DPYD: variants seen among roughly 807,000 people sequenced by gnomAD.
The protein encoded by DPYD is dihydropyrimidine dehydrogenase [NADP(+)].
In DPYD, 109 loss-of-function variants were observed where a neutral mutation model predicts 116.2. That is an observed-to-expected ratio of 0.94 (90% CI 0.80 to 1.10). DPYD has a LOEUF of 1.10. DPYD is among the 50% of genes least tolerant of loss of function. The pLI is 0.00. For synonymous variants in DPYD, 440 were observed against 432.0 expected, an observed-to-expected ratio of 1.02 and a Z score of -0.23; for missense variants, 1,302 against 1,254.5, an observed-to-expected ratio of 1.04 and a Z score of -0.57.
chr1:97,782,364 C>A (rs866183892), intron 3 of DPYD, among the ~76,000 whole-genome samples: 2 of 152,206 alleles, frequency 1.3e-5, no homozygotes, highest in Non-Finnish European at 2.9e-5. Context: ...TGGCCCCAGA[C>A]AGCTGTCTTT....
At chr1:97,815,057 GAGAA>G (rs1388918913) in intron 3 of DPYD, among the ~76,000 whole-genome samples, 21 of 148,742 alleles carry the variant, frequency 1.4e-4, no homozygotes, top group African/African-American at 2.0e-4. Flanking sequence ...GAGAAAGAGG[GAGAA>G]AGAAAGAAAG....
At chr1:97,872,759 C>T (rs185338422) in intron 2 of DPYD, among the ~76,000 whole-genome samples, 77 of 151,888 alleles carry the variant, frequency 5.1e-4, no homozygotes, top group African/African-American at 1.8e-3. Context: ...TAGAACTTTT[C>T]GAGAAAAAAA....
At chr1:97,541,277 T>C (rs1334919316) in intron 12 of DPYD, among the ~76,000 whole-genome samples, 1 of 152,184 alleles carries the variant, frequency 6.6e-6, no homozygotes, top group Non-Finnish European at 1.5e-5. Flanking sequence ...GTTATATGGA[T>C]GCAAAAAGAA....
At chr1:97,370,463 T>A (rs1671260523) in intron 16 of DPYD, among the ~76,000 whole-genome samples, 1 of 152,094 alleles carries the variant, frequency 6.6e-6, no homozygotes, top group South Asian at 2.1e-4. Context: ...AAATATCTAA[T>A]GCATGCAGGG....
chr1:97,239,048 C>T (rs1042715538), intron 18 of DPYD, among the ~76,000 whole-genome samples: 15 of 152,180 alleles, frequency 9.9e-5, no homozygotes, highest in Non-Finnish European at 1.8e-4. Context: ...AAGAACTTTG[C>T]TTTGCATTAT....
intron 8 of DPYD, among the ~76,000 whole-genome samples, chr1:97,673,807 T>C (rs1178685009): frequency 6.6e-6 from 1 of 151,914 alleles, no homozygotes; most frequent in East Asian, 1.9e-4. Context: ...GTAAAATAAT[T>C]GTATCAAATA....
At chr1:97,696,002 T>C (rs764683556) in intron 6 of DPYD, among the ~76,000 whole-genome samples, 3 of 151,750 alleles carry the variant, frequency 2.0e-5, no homozygotes, top group Non-Finnish European at 4.4e-5. Flanking sequence ...TGGTGGTGCA[T>C]GCCTGTAGTC....
chr1:97,815,514 T>G (rs899433358), intron 3 of DPYD, among the ~76,000 whole-genome samples: 2 of 152,148 alleles, frequency 1.3e-5, no homozygotes, highest in African/African-American at 4.8e-5. Flanking sequence ...CAAGAAAGGA[T>G]AGTCAATTGA....
chr1:97,442,388 A>G (rs1675846408), intron 14 of DPYD, among the ~76,000 whole-genome samples: 2 of 150,422 alleles, frequency 1.3e-5, no homozygotes, highest in African/African-American at 4.9e-5. Context: ...TTTATTTTAA[A>G]GAACTACGAA....
intron 1 of DPYD, among the ~76,000 whole-genome samples, chr1:97,886,966 C>T (rs1455862018): frequency 1.3e-5 from 2 of 151,850 alleles, no homozygotes; most frequent in Non-Finnish European, 2.9e-5. Context: ...TCATATTCCA[C>T]AGCAAAAGTA....
At chr1:97,295,221 A>G (rs961713444) in intron 18 of DPYD, among the ~76,000 whole-genome samples, 2 of 152,138 alleles carry the variant, frequency 1.3e-5, no homozygotes, top group Admixed American at 6.5e-5. Context: ...GAATGCATAC[A>G]AAGTGTTCAA....
chr1:97,511,410 A>C (rs2101962839), intron 13 of DPYD, among the ~76,000 whole-genome samples: 1 of 152,140 alleles, frequency 6.6e-6, no homozygotes, highest in South Asian at 2.1e-4. Flanking sequence ...CTTTGGATTA[A>C]GACCAGGGCC....
intron 11 of DPYD, among the ~76,000 whole-genome samples, chr1:97,561,053 A>G (rs957840177): frequency 1.3e-5 from 2 of 152,224 alleles, no homozygotes; most frequent in African/African-American, 4.8e-5. Flanking sequence ...GGCCAAACCA[A>G]GGAGTGTGTT....
At chr1:97,525,609 T>C (rs751085166) in intron 12 of DPYD, among the ~76,000 whole-genome samples, 21 of 152,194 alleles carry the variant, frequency 1.4e-4, no homozygotes, top group Non-Finnish European at 2.4e-4. Context: ...TTAGATGAAA[T>C]AATCATTAGC....
intron 20 of DPYD, among the ~76,000 whole-genome samples, chr1:97,149,755 G>A (rs1220730087): frequency 6.6e-6 from 1 of 152,218 alleles, no homozygotes; most frequent in Non-Finnish European, 1.5e-5. Context: ...TTCTGAGAGG[G>A]AAGCTTTGTG....
At chr1:97,643,938 TG>T (rs1419533168) in intron 8 of DPYD, among the ~76,000 whole-genome samples, 1 of 151,526 alleles carries the variant, frequency 6.6e-6, no homozygotes, top group East Asian at 1.9e-4. Flanking sequence ...TGTCAGGGGT[TG>T]GGGGGCTAGG....
intron 20 of DPYD, among the ~76,000 whole-genome samples, chr1:97,103,432 G>C (rs1399732389): frequency 6.6e-6 from 1 of 152,112 alleles, no homozygotes; most frequent in African/African-American, 2.4e-5. Flanking sequence ...TAAAAAGACA[G>C]AGACAGAAAG....
intron 18 of DPYD, among the ~76,000 whole-genome samples, chr1:97,248,078 T>C (rs767379095): frequency 2.0e-5 from 3 of 152,180 alleles, no homozygotes; most frequent in Non-Finnish European, 4.4e-5. Context: ...TATAGACCAA[T>C]ATCCATAGAC....
At chr1:97,318,282 T>A (rs1667991380) in intron 16 of DPYD, among the ~76,000 whole-genome samples, 1 of 128,762 alleles carries the variant, frequency 7.8e-6, no homozygotes, top group Non-Finnish European at 1.8e-5. Flanking sequence ...AGACACAGAC[T>A]GGCAAGTTGG....
Sources: allele counts gnomAD v4.1 joint callset (sites outside exome capture counted in the v4.1 genomes callset), GRCh38; gene constraint gnomAD v4.1.1; transcripts MANE v1.5; gene names NCBI Gene and HGNC (gene_info 2026-07-23, HGNC 2026-07-21).